ZBBX: variants seen among roughly 807,000 people sequenced by gnomAD.
The protein encoded by ZBBX is zinc finger B-box domain containing, also known as zinc finger B-box domain-containing protein 1.
Under a neutral mutation model 108.5 loss-of-function variants are expected in ZBBX, and 101 were observed. The ratio of observed to expected loss-of-function variants is 0.93; its 90% CI spans 0.79 to 1.10. ZBBX has a LOEUF of 1.10. Ranked by LOEUF, ZBBX falls within the 50% of genes least tolerant of loss-of-function variation. ZBBX has a pLI of 0.00. For synonymous variants in ZBBX, 356 were observed against 323.4 expected (o/e 1.10, Z -1.08); for missense variants, 1,009 against 941.4 (o/e 1.07, Z -0.94).
chr3:167,301,874 G>A (rs962697973), intron 17 of ZBBX, among the ~76,000 whole-genome samples: 3 of 150,632 alleles, frequency 2.0e-5, no homozygotes, highest in Non-Finnish European at 3.0e-5. Context: ...GGAGAATGGC[G>A]GGAACCCGGG....
intron 20 of ZBBX, among the ~76,000 whole-genome samples, chr3:167,280,710 T>A (rs945620391): frequency 2.0e-5 from 3 of 151,266 alleles, no homozygotes; most frequent in Non-Finnish European, 3.0e-5. Context: ...TCCTCAGTGA[T>A]CTAGAACTAG....
the ZBBX span, among the ~76,000 whole-genome samples, chr3:167,202,139 G>C: frequency 6.6e-6 from 1 of 152,082 alleles, no homozygotes; most frequent in South Asian, 2.1e-4. Flanking sequence ...TGTTACTGGA[G>C]ATATCCAAGG....
the ZBBX span, among the ~76,000 whole-genome samples, chr3:167,185,125 G>A: frequency 4.6e-5 from 7 of 152,010 alleles, no homozygotes; most frequent in Admixed American, 2.0e-4. Flanking sequence ...AAACCTAAAC[G>A]TTTCTCCACT....
intron 20 of ZBBX, among the ~76,000 whole-genome samples, chr3:167,275,972 C>G (rs543730548): frequency 6.6e-6 from 1 of 152,300 alleles, no homozygotes; most frequent in East Asian, 1.9e-4. Context: ...TCCCTGACCC[C>G]TGACCCCCAA....
intron 19 of ZBBX, 172 bp from the exon 20 acceptor site, chr3:167,282,667 C>A: frequency 1.8e-6 from 1 of 558,360 alleles, no homozygotes. Flanking sequence ...TTCTTAATCT[C>A]AAATTACTTT....
chr3:167,273,734 G>A (rs1726963734), intron 20 of ZBBX, among the ~76,000 whole-genome samples: 1 of 151,992 alleles, frequency 6.6e-6, no homozygotes, highest in African/African-American at 2.4e-5. Flanking sequence ...TTTCACCCTG[G>A]CAGTTCATCA....
chr3:167,186,477 G>A, the ZBBX span, among the ~76,000 whole-genome samples: 6 of 152,200 alleles, frequency 3.9e-5, no homozygotes, highest in Admixed American at 6.5e-5. Context: ...TAAACAAGGA[G>A]TAATAATTTT....
intron 11 of ZBBX, among the ~76,000 whole-genome samples, chr3:167,325,116 T>G (rs889863861): frequency 6.6e-6 from 1 of 152,176 alleles, no homozygotes; most frequent in Non-Finnish European, 1.5e-5. Flanking sequence ...AATCTAACAC[T>G]GTTAAATGTC....
chr3:167,221,990 A>G, the ZBBX span, among the ~76,000 whole-genome samples: 1 of 152,066 alleles, frequency 6.6e-6, no homozygotes, highest in East Asian at 1.9e-4. Context: ...TACAACCACT[A>G]TGGAGAACAG....
chr3:167,317,882 T>G (rs983976005), intron 12 of ZBBX, among the ~76,000 whole-genome samples: 2 of 152,022 alleles, frequency 1.3e-5, no homozygotes, highest in Non-Finnish European at 2.9e-5. Flanking sequence ...CAGTGTTCTC[T>G]CAAAAGCCAC....
chr3:167,352,873 C>G (rs1324260836), intron 8 of ZBBX, among the ~76,000 whole-genome samples: 3 of 152,032 alleles, frequency 2.0e-5, no homozygotes, highest in African/African-American at 7.2e-5. Context: ...AAAAACAAAA[C>G]TATATCATAT....
intron 18 of ZBBX, among the ~76,000 whole-genome samples, chr3:167,289,590 G>A (rs181720241): frequency 7.3e-4 from 111 of 152,300 alleles, no homozygotes; most frequent in Non-Finnish European, 2.4e-4. Context: ...TTTTCCCGTG[G>A]TCTTCGCAAC....
Position 167,372,888 on chromosome 3 carries a change from TC to T in ZBBX, c.13del (p.Asp5IlefsTer3). 7 of 1,601,910 alleles carry T rather than the reference TC, an allele frequency of 4.4e-6. No homozygotes were observed. Among genetic ancestry groups the T allele is most frequent in the Non-Finnish European group, 6.0e-6 (7 of 1,174,212 alleles). On this transcript the variant is annotated frameshift_variant, in exon 4 of 22. Coordinates refer to ENST00000675490, the MANE Select transcript of ZBBX (RefSeq NM_001199201.2). LOFTEE classifies it high-confidence loss of function. Reference protein sequence around the residue: MNRKDFVVLPWGKPG... With the variant: MNRKXFVVLPWGKPG... The stretch of plus-strand genomic sequence containing the variant: ...TTTTCCCCATGGAAGAACTACAAAA[TC>T]TTTTCTGTTCATGATTACCACCTTA...
intron 20 of ZBBX, among the ~76,000 whole-genome samples, chr3:167,274,667 C>T (rs1727160736): frequency 6.6e-6 from 1 of 152,190 alleles, no homozygotes. Context: ...TAATCAATAA[C>T]TCACATCTGT....
the ZBBX span, among the ~76,000 whole-genome samples, chr3:167,203,428 A>G: frequency 1.3e-5 from 2 of 152,238 alleles, no homozygotes; most frequent in East Asian, 1.9e-4. Flanking sequence ...AGGGGACATA[A>G]TGTAGCCCAT....
the ZBBX span, among the ~76,000 whole-genome samples, chr3:167,196,163 C>T: frequency 1.3e-5 from 2 of 152,146 alleles, no homozygotes; most frequent in Non-Finnish European, 2.9e-5. Context: ...CCCTTTGATA[C>T]TGATGTATCA....
intron 2 of ZBBX, among the ~76,000 whole-genome samples, chr3:167,376,489 A>C (rs1179667169): frequency 6.6e-6 from 1 of 152,222 alleles, no homozygotes; most frequent in Non-Finnish European, 1.5e-5. Flanking sequence ...CTGTCTGATT[A>C]TTAAAATAAT....
chr3:167,288,562 C>A (rs1448742288), intron 19 of ZBBX, among the ~76,000 whole-genome samples: 1 of 152,012 alleles, frequency 6.6e-6, no homozygotes, highest in Non-Finnish European at 1.5e-5. Context: ...GTAATGAAAC[C>A]ATGTATTTTA....
chr3:167,315,386 T>C (rs996087975), intron 15 of ZBBX, among the ~76,000 whole-genome samples: 6 of 152,118 alleles, frequency 3.9e-5, no homozygotes, highest in Admixed American at 6.6e-5. Context: ...TTAGGGTTCA[T>C]AGAAAACTGA....
Sources: gnomAD v4.1 joint callset for allele counts (sites outside exome capture counted in the v4.1 genomes callset) on GRCh38, gnomAD v4.1.1 for gene constraint, MANE v1.5 for transcripts, NCBI Gene and HGNC (gene_info 2026-07-23, HGNC 2026-07-21) for gene names.